ADAMTSL1: variants seen among roughly 807,000 people sequenced by gnomAD.
ADAMTSL1 encodes the protein ADAMTS-like protein 1.
In ADAMTSL1, 126 loss-of-function variants were observed where a neutral mutation model predicts 201.8. That is an observed-to-expected ratio of 0.62 (90% CI 0.54 to 0.72). ADAMTSL1 has a LOEUF of 0.72. ADAMTSL1 is among the 30% of genes least tolerant of loss of function. ADAMTSL1 has a pLI of 0.00. For missense variants in ADAMTSL1, 2,679 were observed against 2,277.8 expected (o/e 1.18, Z -3.59); for synonymous variants, 1,121 against 903.4 (o/e 1.24, Z -4.32).
chr9:18,322,348 C>T (rs1391999168), intron 2 of ADAMTSL1, among the ~76,000 whole-genome samples: 1 of 152,092 alleles, frequency 6.6e-6, no homozygotes. Flanking sequence ...AAACCATTAG[C>T]AGTACCAGGT....
At chr9:18,334,730 A>G (rs1174184906) in intron 2 of ADAMTSL1, among the ~76,000 whole-genome samples, 1 of 152,136 alleles carries the variant, frequency 6.6e-6, no homozygotes, top group African/African-American at 2.4e-5. Context: ...CCAGTCTGGG[A>G]CTTGGAAACA....
At chr9:18,614,409 C>T (rs1361321804) in intron 4 of ADAMTSL1, among the ~76,000 whole-genome samples, 3 of 152,188 alleles carry the variant, frequency 2.0e-5, no homozygotes, top group African/African-American at 4.8e-5. Context: ...CCTAGTAATG[C>T]GATTTGCGGC....
intron 20 of ADAMTSL1, among the ~76,000 whole-genome samples, chr9:18,801,478 G>A (rs1263504256): frequency 2.0e-5 from 3 of 151,976 alleles, no homozygotes; most frequent in African/African-American, 7.3e-5. Context: ...CATCACCCAG[G>A]TACTCAGCCT....
intron 2 of ADAMTSL1, among the ~76,000 whole-genome samples, chr9:18,288,489 A>G (rs187088449): frequency 6.3e-4 from 96 of 152,284 alleles, no homozygotes; most frequent in African/African-American, 2.3e-3. Context: ...AGGTTTCTTA[A>G]TATTGTATAC....
At chr9:18,790,056 A>G (rs1821932914) in intron 19 of ADAMTSL1, among the ~76,000 whole-genome samples, 1 of 152,208 alleles carries the variant, frequency 6.6e-6, no homozygotes, top group African/African-American at 2.4e-5. Flanking sequence ...TCTGACAACT[A>G]GAAATTCCAA....
At chr9:18,028,536 T>A (rs1820795490) in intron 1 of ADAMTSL1, among the ~76,000 whole-genome samples, 1 of 151,980 alleles carries the variant, frequency 6.6e-6, no homozygotes. Flanking sequence ...TAGCTAACTT[T>A]AAGATTTTTC....
At chr9:18,157,982 C>T (rs1031320675) in intron 1 of ADAMTSL1, among the ~76,000 whole-genome samples, 1 of 151,976 alleles carries the variant, frequency 6.6e-6, no homozygotes, top group Non-Finnish European at 1.5e-5. Context: ...TGTCTAAAAA[C>T]GTTTAGTCAC....
chr9:18,544,760 A>C (rs1031189307), intron 3 of ADAMTSL1, among the ~76,000 whole-genome samples: 1 of 152,202 alleles, frequency 6.6e-6, no homozygotes, highest in Non-Finnish European at 1.5e-5. Context: ...GCCAACCCGT[A>C]ATTTCCCTCA....
chr9:18,622,364 C>T lies in ADAMTSL1; in HGVS notation c.596C>T (p.Thr199Ile), dbSNP rs758355970. 1.2e-6 allele frequency: 2 copies of T among 1,614,020 alleles called. No individual in the cohort carries two copies. Among genetic ancestry groups the T allele is most frequent in the Non-Finnish European group, 1.7e-6 (2 of 1,179,938 alleles). Residue 199 changes from threonine (T) to isoleucine (I), a missense_variant, in exon 5 of 29, where the codon ACC becomes ATC. Thr to Ile is a moderately conservative substitution (Grantham distance 89). Transcript: ENST00000380548. ...RGQYKSQLSA[T>I]KSDDTVVAIP... ...CAGTATAAATCCCAGCTCTCCGCAA[C>T]CAAATGTAAGACACACAGAGATGGG...
chr9:17,939,420 A>G (rs1162244689), intron 1 of ADAMTSL1, among the ~76,000 whole-genome samples: 2 of 151,442 alleles, frequency 1.3e-5, no homozygotes, highest in Non-Finnish European at 2.9e-5. Flanking sequence ...ATTATGTTTT[A>G]TGCTGTATTC....
At chr9:18,268,226 T>C (rs1832216803) in intron 2 of ADAMTSL1, among the ~76,000 whole-genome samples, 1 of 152,218 alleles carries the variant, frequency 6.6e-6, no homozygotes, top group Admixed American at 6.5e-5. Flanking sequence ...CTATCATCTA[T>C]ATCAAAAATA....
chr9:18,135,237 T>G (rs7043481), intron 1 of ADAMTSL1, among the ~76,000 whole-genome samples: 1 of 152,110 alleles, frequency 6.6e-6, no homozygotes, highest in East Asian at 1.9e-4. Context: ...ATAGTCACAA[T>G]TGAATTCTTT....
chr9:18,652,061 T>G (rs1382457574), intron 7 of ADAMTSL1, among the ~76,000 whole-genome samples: 1 of 152,006 alleles, frequency 6.6e-6, no homozygotes, highest in African/African-American at 2.4e-5. Context: ...TACATATCAT[T>G]GAATACTAAA....
chr9:18,675,880 C>T lies in ADAMTSL1; in HGVS notation c.1109C>T (p.Pro370Leu). The T allele has an allele frequency of 1.2e-6, 2 of 1,613,188 alleles. No individual in the cohort carries two copies. Among genetic ancestry groups the T allele is most frequent in the Middle Eastern group, 1.7e-4 (1 of 6,054 alleles). Residue 370 changes from proline (P) to leucine (L), a missense_variant, in exon 10 of 29, where the codon CCT (proline) becomes CTT (leucine). Physicochemically the swap from Pro to Leu is moderately conservative, Grantham distance 98. Coordinates refer to ENST00000380548, the MANE Select transcript of ADAMTSL1 (RefSeq NM_001040272.6). ...PASDGYKQIM[P>L]YDLYHPLPRW... ...AGTGACGGATACAAGCAGATCATGC[C>T]TTATGACCTCTACCATCCCCTTCCT...
intron 26 of ADAMTSL1, among the ~76,000 whole-genome samples, chr9:18,893,656 G>C (rs563189872): frequency 6.6e-6 from 1 of 152,198 alleles, no homozygotes; most frequent in Non-Finnish European, 1.5e-5. Flanking sequence ...AGGCATTACA[G>C]ATTGCAGACA....
At chr9:18,200,720 T>G (rs1201209798) in intron 2 of ADAMTSL1, among the ~76,000 whole-genome samples, 2 of 151,922 alleles carry the variant, frequency 1.3e-5, no homozygotes, top group African/African-American at 4.8e-5. Flanking sequence ...TCCAAATGAG[T>G]TATGTTTAAG....
rs754842793 is a variant in ADAMTSL1, at chr9:18,431,948, T to C, written c.208-72881T>C. On this transcript the variant is annotated intron_variant, in intron 2 of 29. Coordinates refer to the ADAMTSL1 transcript ENST00000680146. Reference sequence around the variant, plus strand: ...AGTTTTCCACCAGCCATGACACTTCTGAATTTTACAAAGTTTATAGAAAAC... The same window carrying C: ...AGTTTTCCACCAGCCATGACACTTCCGAATTTTACAAAGTTTATAGAAAAC... 4.5e-4 allele frequency among the ~76,000 whole-genome samples: 69 copies of C among 152,198 alleles called. 2 individuals are homozygous for C. The highest frequency in any genetic ancestry group is 1.5e-4 in the Non-Finnish European group (10 of 68,030).
At chr9:18,281,780 G>T (rs1188674626) in intron 2 of ADAMTSL1, among the ~76,000 whole-genome samples, 1 of 152,044 alleles carries the variant, frequency 6.6e-6, no homozygotes, top group East Asian at 1.9e-4. Context: ...GTTTTGCTCA[G>T]GCTGGTCTTG....
chr9:17,948,007 C>T (rs1397616193), intron 1 of ADAMTSL1, among the ~76,000 whole-genome samples: 1 of 152,128 alleles, frequency 6.6e-6, no homozygotes, highest in Non-Finnish European at 1.5e-5. Flanking sequence ...GTCACTGATG[C>T]ACTGTGGCTC....
Sources: gnomAD v4.1 joint callset for allele counts (sites outside exome capture counted in the v4.1 genomes callset) on GRCh38, gnomAD v4.1.1 for gene constraint, MANE v1.5 for transcripts, NCBI Gene and HGNC (gene_info 2026-07-23, HGNC 2026-07-21) for gene names.